B4GALNT3: variants seen among roughly 807,000 people sequenced by gnomAD.
B4GALNT3 encodes the protein beta-1,4-N-acetyl-galactosaminyltransferase 3.
B4GALNT3 carries 86 observed loss-of-function variants against 120.2 expected under a neutral mutation model. The ratio of observed to expected loss-of-function variants is 0.72; its 90% CI spans 0.60 to 0.86. The LOEUF (loss-of-function observed/expected upper bound fraction) is 0.86. Ranked by LOEUF, B4GALNT3 falls within the 40% of genes least tolerant of loss-of-function variation. The pLI is 0.00. For synonymous variants in B4GALNT3, 518 were observed against 510.4 expected (o/e 1.01, Z -0.20); for missense variants, 1,167 against 1,298.9 (o/e 0.90, Z 1.56).
At chr12:555,278 T>G (rs1947139263) in intron 14 of B4GALNT3, 3 of 451,378 alleles carry the variant, frequency 6.6e-6, no homozygotes, top group Non-Finnish European at 1.3e-5. Context: ...CAATAACTAC[T>G]TTCCTTTCTA....
At chr12:486,460 G>A (rs1438292820) in intron 1 of B4GALNT3, among the ~76,000 whole-genome samples, 7 of 151,940 alleles carry the variant, frequency 4.6e-5, no homozygotes, top group East Asian at 1.9e-4. Context: ...CACCCGCCTC[G>A]GCCTCCCAAG....
chr12:561,580 C>T lies in B4GALNT3; in HGVS notation c.*129C>T, dbSNP rs1325071875. 1.4e-6 allele frequency: 1 copy of T among 693,994 alleles called. No individual in the cohort carries two copies. Among genetic ancestry groups the T allele is most frequent in the Non-Finnish European group, 2.4e-6 (1 of 414,896 alleles). 43.0% of individuals were successfully genotyped at this position (693,994 alleles called of 1,614,324 possible). A position where few individuals can be genotyped will look rare whatever the true frequency, so the allele number is the denominator to read the frequency against. On this transcript the variant is annotated 3_prime_UTR_variant, in exon 20 of 20. Transcript: ENST00000266383. ...CCCAAGAGGCCTCGAAGCTGACGGC[C>T]CACTCCACCTGGAGCTGTCCCCTCA...
At chr12:462,036 G>A (rs4980917) in intron 1 of B4GALNT3, among the ~76,000 whole-genome samples, 122,801 of 152,040 alleles carry the variant, frequency 0.81, 51,470 homozygotes, top group Non-Finnish European at 0.94. Flanking sequence ...CCGGGGCCAC[G>A]ACTCCAAGCA....
chr12:497,333 A>T (rs1490434542), intron 1 of B4GALNT3, among the ~76,000 whole-genome samples: 2 of 151,690 alleles, frequency 1.3e-5, no homozygotes, highest in Non-Finnish European at 2.9e-5. Context: ...TTGTATTTTT[A>T]GTAGAGACGG....
Position 560,354 on chromosome 12 carries a change from C to T in B4GALNT3, c.2888+933C>T, listed in dbSNP as rs377363968. ...CAGTCACTGGGTCCCTATACATGGC[C>T]GGCCATCCACATCCGTTACCTCGTT... On this transcript the variant is annotated intron_variant, in intron 19 of 19. Coordinates refer to ENST00000266383, the MANE Select transcript of B4GALNT3 (RefSeq NM_173593.4). Among the ~76,000 whole-genome samples the T allele has an allele frequency of 4.8e-4, 73 of 152,260 alleles. No individual in the cohort carries two copies. In the East Asian group the frequency reaches 8.1e-3, roughly 17 times the overall value.
chr12:538,732 A>G (rs990914775), intron 3 of B4GALNT3, among the ~76,000 whole-genome samples: 1 of 152,112 alleles, frequency 6.6e-6, no homozygotes, highest in Non-Finnish European at 1.5e-5. Context: ...TATTTTATCA[A>G]TGAGGAGAAT....
Position 460,185 on chromosome 12 carries a change from G to A in B4GALNT3, c.-192G>A, listed in dbSNP as rs1946005617. Among the ~76,000 whole-genome samples the A allele has an allele frequency of 6.6e-6, 1 of 150,526 alleles. No individual in the cohort carries two copies. Among genetic ancestry groups the A allele is most frequent in the Admixed American group, 6.6e-5 (1 of 15,152 alleles). On this transcript the variant is annotated 5_prime_UTR_variant, in exon 1 of 20. Coordinates refer to ENST00000266383, the MANE Select transcript of B4GALNT3 (RefSeq NM_173593.4). This position sits in a 1 kb window ranked among gnomAD's most constrained non-coding sequence, Gnocchi z 8.0. The stretch of plus-strand genomic sequence containing the variant: ...CCGGAGAGACCTGCTGGGCGCCCGC[G>A]CAGCCCGGAGACCCCTCGCGCCCGG...
chr12:478,283 TAAAAA>T (rs10718025), intron 1 of B4GALNT3, among the ~76,000 whole-genome samples: 1 of 131,432 alleles, frequency 7.6e-6, no homozygotes, highest in Non-Finnish European at 1.6e-5. Context: ...TTAGAGGAGG[TAAAAA>T]AAAAAAAAAT....
At chr12:522,770 C>T (rs958316537) in intron 1 of B4GALNT3, among the ~76,000 whole-genome samples, 2 of 145,348 alleles carry the variant, frequency 1.4e-5, no homozygotes, top group Non-Finnish European at 3.0e-5. Context: ...CCTGTCTGTA[C>T]CAAAAAAGAA....
intron 1 of B4GALNT3, among the ~76,000 whole-genome samples, chr12:516,132 C>A (rs561581583): frequency 7.0e-6 from 1 of 143,698 alleles, no homozygotes; most frequent in African/African-American, 2.6e-5. Flanking sequence ...GGCGACAGAG[C>A]GAGACTCCGT....
intron 5 of B4GALNT3, 126 bp from the exon 6 acceptor site, chr12:545,243 T>G (rs1946978430): frequency 4.8e-6 from 7 of 1,469,156 alleles, no homozygotes; most frequent in Non-Finnish European, 3.6e-6. Context: ...ACCCCCACTT[T>G]ACAGAGAGGG....
At chr12:474,946 T>TAAAAAAAAAAA (rs1592011790) in intron 1 of B4GALNT3, among the ~76,000 whole-genome samples, 1 of 33,028 alleles carries the variant, frequency 3.0e-5, no homozygotes. Flanking sequence ...AGACCTTGTC[T>TAAAAAAAAAAA]CAAAAAAAAA....
chr12:526,743 TA>T (rs1391832894), intron 1 of B4GALNT3, among the ~76,000 whole-genome samples: 9 of 152,320 alleles, frequency 5.9e-5, no homozygotes, highest in Admixed American at 2.0e-4. Context: ...ATGGCCTGGC[TA>T]AACCTTCTGT....
At chr12:504,807 CCTTAACCCTTCTGTCT>C (rs963555686) in intron 1 of B4GALNT3, among the ~76,000 whole-genome samples, 3 of 152,090 alleles carry the variant, frequency 2.0e-5, no homozygotes, top group Non-Finnish European at 4.4e-5. Context: ...CCCTTAATTC[CCTTAACCCTTCTGTCT>C]CTTAACCCTT....
intron 1 of B4GALNT3, among the ~76,000 whole-genome samples, chr12:527,876 T>C (rs1387787064): frequency 6.6e-6 from 1 of 150,472 alleles, no homozygotes. Flanking sequence ...GGGGCTTACA[T>C]GGAGAGATGT....
intron 9 of B4GALNT3, 129 bp from the exon 10 acceptor site, chr12:549,640 G>A: frequency 1.7e-6 from 2 of 1,184,528 alleles, no homozygotes; most frequent in South Asian, 1.5e-5. Flanking sequence ...GAGTGTGGCT[G>A]CGCACATCCT....
At chr12:561,071 G>A (rs1334906415) in intron 19 of B4GALNT3, among the ~76,000 whole-genome samples, 3 of 152,218 alleles carry the variant, frequency 2.0e-5, no homozygotes, top group Admixed American at 6.5e-5. Flanking sequence ...TAGATAGATA[G>A]AATTCTATAT....
Position 550,939 on chromosome 12 carries a change from T to C in B4GALNT3, c.1015T>C (p.Ser339Pro). The C allele has an allele frequency of 1.9e-6, 3 of 1,613,754 alleles. No individual in the cohort carries two copies. The highest frequency in any genetic ancestry group is 2.5e-6 in the Non-Finnish European group (3 of 1,179,612). ...GTCCTCAGTGCCTCTGATCCCCAAG[T>C]CGCATCTCCGCCACGTCCTGCCTGA... is the stretch of plus-strand genomic sequence containing the variant. ...TLYRVPLIPK[S>P]HLRHVLPDCP... The change falls in exon 11 of 20, where the codon TCG (serine) becomes CCG (proline). Residue 339 changes from serine (S) to proline (P), a missense_variant. By Grantham distance (74) the Ser-to-Pro change is moderately conservative. This residue lies in a region of B4GALNT3 where 983 missense variants were observed against 1,102.5 expected (regional missense o/e 0.89). Coordinates refer to ENST00000266383, the MANE Select transcript of B4GALNT3 (RefSeq NM_173593.4). The surrounding 1 kb of genome is among the most constrained non-coding windows in gnomAD (Gnocchi z 4.1).
chr12:507,294 A>T (rs568306944), intron 1 of B4GALNT3, among the ~76,000 whole-genome samples: 1 of 152,240 alleles, frequency 6.6e-6, no homozygotes, highest in East Asian at 1.9e-4. Context: ...TGTTTTGAAC[A>T]CCTTTCTGGG....
Sources: gnomAD v4.1 joint callset for allele counts (sites outside exome capture counted in the v4.1 genomes callset) on GRCh38, gnomAD v4.1.1 for gene constraint, gnomAD v4.1.1 regional missense constraint, Gnocchi (gnomAD v3.1) non-coding constraint, MANE v1.5 for transcripts, NCBI Gene and HGNC (gene_info 2026-07-23, HGNC 2026-07-21) for gene names.